Variants in LINGO1 observed in about 807,000 individuals in gnomAD.
The protein encoded by LINGO1 is leucine-rich repeat and immunoglobulin-like domain-containing nogo receptor-interacting protein 1.
LINGO1 carries 11 observed loss-of-function variants against 37.3 expected under a neutral mutation model. That is an observed-to-expected ratio of 0.29 (90% CI 0.19 to 0.49). The LOEUF is 0.49. Among genes scored for constraint, LINGO1 ranks in the 20% least tolerant of loss-of-function variants. The pLI, the probability that LINGO1 is intolerant of heterozygous loss-of-function variation, is 0.99. For missense variants in LINGO1, 585 were observed against 878.2 expected (o/e 0.67, Z 4.22); for synonymous variants, 387 against 403.0 (o/e 0.96, Z 0.48).
At chr15:77,820,594 G>A (rs79472843), upstream of LINGO1, among the ~76,000 whole-genome samples, 27 of 152,334 alleles carry the variant, frequency 1.8e-4, 1 homozygote, top group East Asian at 5.2e-3. Context: ...AGGGCTCACG[G>A]GCTGGCGTCC....
At chr15:77,816,595 T>C (rs2077049619) in intron 1 of LINGO1, among the ~76,000 whole-genome samples, 1 of 152,166 alleles carries the variant, frequency 6.6e-6, no homozygotes, top group Admixed American at 6.5e-5. Flanking sequence ...CACTGGGCAC[T>C]GCTCCCTCCC....
chr15:77,693,379 G>A (rs1406493013), intron 1 of LINGO1, among the ~76,000 whole-genome samples: 2 of 152,190 alleles, frequency 1.3e-5, no homozygotes, highest in Non-Finnish European at 2.9e-5. Flanking sequence ...ACCTGGTAAT[G>A]TGAAAGAGAA....
intron 3 of LINGO1, among the ~76,000 whole-genome samples, chr15:77,658,619 G>C (rs2074920162): frequency 1.3e-5 from 2 of 152,366 alleles, no homozygotes; most frequent in South Asian, 4.1e-4. Flanking sequence ...CCTGGCAGTA[G>C]GGACTGGAAA....
chr15:77,794,574 ATATATATATATATATATTTT>A, intron 2 of LINGO1, among the ~76,000 whole-genome samples: 1 of 22,484 alleles, frequency 4.4e-5, no homozygotes, highest in Non-Finnish European at 9.8e-5. Flanking sequence ...ACACACACAT[ATATATATATATATATATTTT>A]TTTTTTTTTT....
upstream of LINGO1, among the ~76,000 whole-genome samples, chr15:77,700,646 T>C (rs905328879): frequency 1.3e-5 from 2 of 152,006 alleles, no homozygotes; most frequent in Non-Finnish European, 2.9e-5. Context: ...GTGTTACCAG[T>C]GGTCAAAGTC....
intron 2 of LINGO1, among the ~76,000 whole-genome samples, chr15:77,794,006 C>T (rs913470599): frequency 4.6e-5 from 7 of 152,296 alleles, no homozygotes; most frequent in African/African-American, 1.7e-4. Context: ...CTGACTGTGG[C>T]CCTCCTGCCC....
At chr15:77,787,096 G>A (rs2076779017), upstream of LINGO1, 1 of 152,322 alleles carries the variant, frequency 6.6e-6, no homozygotes. Flanking sequence ...ATCACACTGG[G>A]TGGGGGTGCC....
chr15:77,817,748 GGTCA>G (rs2077059952), intron 1 of LINGO1, among the ~76,000 whole-genome samples: 1 of 152,104 alleles, frequency 6.6e-6, no homozygotes, highest in Non-Finnish European at 1.5e-5. Flanking sequence ...CAAAGACCAG[GGTCA>G]GCGGATACCC....
At chr15:77,666,528 C>A (rs1033943169) in intron 3 of LINGO1, among the ~76,000 whole-genome samples, 5 of 152,170 alleles carry the variant, frequency 3.3e-5, no homozygotes, top group African/African-American at 9.7e-5. Context: ...GGAAGAGATG[C>A]AGGTGAAGGA....
At chr15:77,764,127 G>C (rs1307882052) in intron 1 of LINGO1, among the ~76,000 whole-genome samples, 2 of 152,174 alleles carry the variant, frequency 1.3e-5, no homozygotes, top group Non-Finnish European at 2.9e-5. Context: ...ATGCATTTTA[G>C]TTATTCATTA....
chr15:77,782,590 C>T (rs2076730940), intron 1 of LINGO1, among the ~76,000 whole-genome samples: 1 of 152,124 alleles, frequency 6.6e-6, no homozygotes, highest in Non-Finnish European at 1.5e-5. Context: ...CCTGCACCTC[C>T]ACCTGCGCCA....
At chr15:77,810,457 T>C (rs1032390023) in intron 1 of LINGO1, among the ~76,000 whole-genome samples, 2 of 152,142 alleles carry the variant, frequency 1.3e-5, no homozygotes, top group Admixed American at 1.3e-4. Flanking sequence ...TGGCAGCCCT[T>C]CCGCAGCTGA....
chr15:77,619,700 AATAAATAAAATAAAAT>A (rs2073857945), intron 1 of LINGO1, among the ~76,000 whole-genome samples: 1 of 141,358 alleles, frequency 7.1e-6, no homozygotes, highest in Non-Finnish European at 1.5e-5. Context: ...AAAAACAATA[AATAAATAAAATAAAAT>A]AAAATAAAAT....
At chr15:77,714,554 C>T (rs1377144508) in intron 2 of LINGO1, among the ~76,000 whole-genome samples, 2 of 152,282 alleles carry the variant, frequency 1.3e-5, no homozygotes, top group African/African-American at 4.8e-5. Flanking sequence ...ACCTGAGGGC[C>T]CCGTTGCCCA....
intron 3 of LINGO1, among the ~76,000 whole-genome samples, chr15:77,664,180 C>A (rs943013137): frequency 2.9e-5 from 4 of 135,868 alleles, no homozygotes; most frequent in African/African-American, 1.2e-4. Context: ...TGCGCGCGCG[C>A]ATGCGTTTGC....
At chr15:77,763,396 C>G (rs1208376379) in intron 1 of LINGO1, among the ~76,000 whole-genome samples, 1 of 152,094 alleles carries the variant, frequency 6.6e-6, no homozygotes, top group Admixed American at 6.5e-5. Flanking sequence ...AGTACCTCCC[C>G]CAGCCCTCAC....
In LINGO1 at chr15:77,675,634, GA is replaced by G. The variant is rs144450402; in HGVS notation, c.-13+1454del. Among the ~76,000 whole-genome samples the G allele has an allele frequency of 5.1e-3, 772 of 152,240 alleles. 6 individuals are homozygous for G. Among genetic ancestry groups the G allele is most frequent in the African/African-American group, 0.018 (743 of 41,516 alleles). On this transcript the variant is annotated intron_variant, in intron 3 of 3. Coordinates refer to the LINGO1 transcript ENST00000559893. ...AGTTATCCGTGTTAGCTCTTGGGAG[GA>G]AAAGACTACAGAAGGGGCTTGAACC...
At chr15:77,744,170 A>G (rs1185494484) in intron 1 of LINGO1, among the ~76,000 whole-genome samples, 2 of 152,160 alleles carry the variant, frequency 1.3e-5, no homozygotes, top group Non-Finnish European at 2.9e-5. Flanking sequence ...CAGAGGAAAG[A>G]GCATAGGTTT....
intron 2 of LINGO1, among the ~76,000 whole-genome samples, chr15:77,793,189 G>A (rs2076831565): frequency 6.6e-6 from 1 of 152,136 alleles, no homozygotes; most frequent in Non-Finnish European, 1.5e-5. Context: ...AGGAGACCTG[G>A]GCAAGGCTCC....
Sources: gnomAD v4.1 joint callset for allele counts (sites outside exome capture counted in the v4.1 genomes callset) on GRCh38, gnomAD v4.1.1 for gene constraint, MANE v1.5 for transcripts, NCBI Gene and HGNC (gene_info 2026-07-23, HGNC 2026-07-21) for gene names.